CUX2: variants seen among roughly 807,000 people sequenced by gnomAD.
CUX2 encodes cut like homeobox 2.
Under a neutral mutation model 144.8 loss-of-function variants are expected in CUX2, and 40 were observed. That is an observed-to-expected ratio of 0.28 (90% confidence interval 0.21 to 0.36). CUX2 has a LOEUF of 0.36. Among genes scored for constraint, CUX2 ranks in the 10% least tolerant of loss-of-function variants. The pLI is 1.00. For synonymous variants in CUX2, 827 were observed against 875.6 expected (o/e 0.94, Z 0.98); for missense variants, 1,615 against 1,994.0 (o/e 0.81, Z 3.62).
At chr12:111,065,642 G>A (rs1401703904) in intron 1 of CUX2, among the ~76,000 whole-genome samples, 1 of 152,190 alleles carries the variant, frequency 6.6e-6, no homozygotes, top group African/African-American at 2.4e-5. Context: ...AGCCACCCCT[G>A]TGTTATTAAT....
intron 1 of CUX2, among the ~76,000 whole-genome samples, chr12:111,153,786 G>A (rs577846758): frequency 4.9e-4 from 75 of 152,208 alleles, no homozygotes; most frequent in African/African-American, 1.6e-3. Flanking sequence ...CAGTATATTC[G>A]TTTGCTAGGT....
At chr12:111,292,850 C>T (rs1885763447) in intron 5 of CUX2, among the ~76,000 whole-genome samples, 1 of 152,074 alleles carries the variant, frequency 6.6e-6, no homozygotes, top group Non-Finnish European at 1.5e-5. Flanking sequence ...TGGCCAGGCA[C>T]GTTGGCTCAC....
chr12:111,217,900 A>G lies in CUX2; in HGVS notation c.185A>G (p.Glu62Gly). ...TGATCTCTTTTTCAGGAAATCAGAG[A>G]GATGGTGGCTCCTGTATTAAAAAGC... ...FKKNVPEEIR[E>G]MVAPVLKSFQ... Residue 62 changes from glutamate (E) to glycine (G), a missense_variant, in exon 3 of 22, where the codon GAG becomes GGG. Physicochemically the swap from Glu to Gly is moderately conservative, Grantham distance 98. Around this residue, in one of 12 missense-constraint regions of CUX2, gnomAD observed 295 missense variants for 400.2 expected, o/e 0.74. Transcript: ENST00000261726. 6.2e-7 allele frequency: 1 copy of G among 1,614,084 alleles called. No individual in the cohort carries two copies. Among genetic ancestry groups the G allele is most frequent in the Non-Finnish European group, 8.5e-7 (1 of 1,180,024 alleles).
chr12:111,241,154 G>A (rs555018381), intron 3 of CUX2, among the ~76,000 whole-genome samples: 4 of 152,138 alleles, frequency 2.6e-5, no homozygotes, highest in East Asian at 1.9e-4. Flanking sequence ...GGGAGAGGGC[G>A]TATGCAGAGA....
chr12:111,152,186 G>A (rs967807248), intron 1 of CUX2, among the ~76,000 whole-genome samples: 1 of 152,170 alleles, frequency 6.6e-6, no homozygotes, highest in African/African-American at 2.4e-5. Flanking sequence ...TCAGGAGGCT[G>A]AGGCAGGAGA....
At chr12:111,053,080 C>A (rs76552360) in intron 1 of CUX2, among the ~76,000 whole-genome samples, 1 of 152,030 alleles carries the variant, frequency 6.6e-6, no homozygotes, top group Non-Finnish European at 1.5e-5. Flanking sequence ...ATACATGAGG[C>A]CGCCAGAGGA....
chr12:111,120,705 T>C (rs1467784855), intron 1 of CUX2, among the ~76,000 whole-genome samples: 1 of 148,106 alleles, frequency 6.8e-6, no homozygotes, highest in African/African-American at 2.5e-5. Context: ...AACCAACTGG[T>C]GTAATTTAAA....
chr12:111,312,040 G>A lies in CUX2; in HGVS notation c.1901-60G>A. On this transcript the variant is annotated intron_variant, in intron 15 of 21. Coordinates refer to ENST00000261726, the MANE Select transcript of CUX2 (RefSeq NM_015267.4). The surrounding 1 kb of genome is among the most constrained non-coding windows in gnomAD (Gnocchi z 4.3). ...AGGAGACAGCCCCCCTACCCCACCAGGCTCCGGAGACTGAGCCCAACATGC... is the reference window on the plus strand; with the variant it reads ...AGGAGACAGCCCCCCTACCCCACCAAGCTCCGGAGACTGAGCCCAACATGC... The A allele has an allele frequency of 6.7e-7, 1 of 1,490,760 alleles. No individual in the cohort carries two copies. Among genetic ancestry groups the A allele is most frequent in the East Asian group, 2.3e-5 (1 of 42,588 alleles). The allele number at this position is 1,490,760 out of a possible 1,614,324, so 92.3% of individuals were successfully genotyped here.
intron 3 of CUX2, among the ~76,000 whole-genome samples, chr12:111,232,750 A>C (rs1882542684): frequency 6.6e-6 from 1 of 152,144 alleles, no homozygotes. Context: ...TTAGGTGTGG[A>C]GGGAATGGGA....
At chr12:111,116,852 G>C (rs1354424491) in intron 1 of CUX2, among the ~76,000 whole-genome samples, 1 of 152,160 alleles carries the variant, frequency 6.6e-6, no homozygotes, top group Non-Finnish European at 1.5e-5. Context: ...TGTTTCTATG[G>C]TGCACTATCT....
At chr12:111,204,632 T>C (rs960420435) in intron 1 of CUX2, among the ~76,000 whole-genome samples, 2 of 152,194 alleles carry the variant, frequency 1.3e-5, no homozygotes, top group Non-Finnish European at 2.9e-5. Flanking sequence ...ACGAGTGGCT[T>C]TGTCTCTCTG....
intron 9 of CUX2, 145 bp downstream of exon 9, chr12:111,298,734 G>A: frequency 1.1e-6 from 1 of 936,994 alleles, no homozygotes; most frequent in Non-Finnish European, 1.6e-6. Flanking sequence ...GAGGGAGCCA[G>A]GAGGAGTCTG....
At chr12:111,113,777 G>A (rs1331683831) in intron 1 of CUX2, among the ~76,000 whole-genome samples, 2 of 152,118 alleles carry the variant, frequency 1.3e-5, no homozygotes, top group African/African-American at 2.4e-5. Flanking sequence ...GGCTGGTCTC[G>A]AACCCGTGAC....
rs1869317934 is a variant in CUX2 at position 111,034,522 on chromosome 12, C to T, written c.63+282C>T. Among the ~76,000 whole-genome samples, 1 of 151,626 alleles carries T rather than the reference C, an allele frequency of 6.6e-6. No individual in the cohort carries two copies. Among genetic ancestry groups the T allele is most frequent in the African/African-American group, 2.4e-5 (1 of 41,388 alleles). On this transcript the variant is annotated intron_variant, in intron 1 of 21. Coordinates refer to ENST00000261726, the MANE Select transcript of CUX2 (RefSeq NM_015267.4). This position sits in a 1 kb window ranked among gnomAD's most constrained non-coding sequence, Gnocchi z 4.2. Reference sequence around the variant, plus strand: ...GCGGCCGAGCGGCCAGGCGGCCGGGCGAGGAGCGGGGAAGGCAGGGGCTAC... The same window carrying T: ...GCGGCCGAGCGGCCAGGCGGCCGGGTGAGGAGCGGGGAAGGCAGGGGCTAC...
chr12:111,201,289 G>A (rs760009547), intron 1 of CUX2, among the ~76,000 whole-genome samples: 5 of 152,102 alleles, frequency 3.3e-5, no homozygotes, highest in Admixed American at 1.3e-4. Flanking sequence ...TCTCTTGCCC[G>A]CACGGTTCCC....
At chr12:111,219,332 C>A (rs950753965) in intron 3 of CUX2, among the ~76,000 whole-genome samples, 4 of 151,706 alleles carry the variant, frequency 2.6e-5, no homozygotes, top group Admixed American at 6.6e-5. Context: ...ACTAGACAGA[C>A]CAATAATGTT....
intron 3 of CUX2, among the ~76,000 whole-genome samples, chr12:111,245,803 TGGACACAAACAGAAAA>T (rs1321943658): frequency 1.3e-5 from 2 of 151,952 alleles, no homozygotes; most frequent in African/African-American, 4.8e-5. Flanking sequence ...GTCCACAACC[TGGACACAAACAGAAAA>T]GTAGGACCAG....
intron 1 of CUX2, among the ~76,000 whole-genome samples, chr12:111,080,013 G>A (rs1871783796): frequency 6.6e-6 from 1 of 152,210 alleles, no homozygotes; most frequent in African/African-American, 2.4e-5. Context: ...GTGTGACCTT[G>A]ATCAAGTCAC....
intron 9 of CUX2, among the ~76,000 whole-genome samples, chr12:111,303,437 AC>A (rs1015851481): frequency 2.0e-5 from 3 of 151,830 alleles, no homozygotes; most frequent in African/African-American, 4.8e-5. Flanking sequence ...GGAGTTCAAG[AC>A]CAGCCTGGCC....
Sources: gnomAD v4.1 joint callset for allele counts (sites outside exome capture counted in the v4.1 genomes callset) on GRCh38, gnomAD v4.1.1 for gene constraint, gnomAD v4.1.1 regional missense constraint, Gnocchi (gnomAD v3.1) non-coding constraint, MANE v1.5 for transcripts, NCBI Gene and HGNC (gene_info 2026-07-23, HGNC 2026-07-21) for gene names.